The following LRRIQ3 variants were observed in gnomAD, a reference collection of about 807,000 sequenced individuals.
The protein encoded by LRRIQ3 is leucine-rich repeat and IQ domain-containing protein 3.
A neutral mutation model predicts 59.3 loss-of-function variants in LRRIQ3; 75 were observed. The observed-to-expected ratio is 1.26, with a 90% confidence interval of 1.05 to 1.53. LRRIQ3 has a LOEUF of 1.53. LRRIQ3 is among the 40% of genes most tolerant of loss of function. The pLI, the probability that LRRIQ3 is intolerant of heterozygous loss-of-function variation, is 0.00. For missense variants in LRRIQ3, 831 were observed against 710.0 expected (o/e 1.17, Z -1.94); for synonymous variants, 250 against 231.3 (o/e 1.08, Z -0.73).
At chr1:74,088,956 C>T (rs1296968614) in intron 5 of LRRIQ3, among the ~76,000 whole-genome samples, 1 of 151,850 alleles carries the variant, frequency 6.6e-6, no homozygotes, top group Non-Finnish European at 1.5e-5. Context: ...AAAGAATTCT[C>T]ACAACTCAAT....
intron 4 of LRRIQ3, among the ~76,000 whole-genome samples, chr1:74,139,094 G>GTA (rs57674909): frequency 0.83 from 122,049 of 147,542 alleles, 51,273 homozygotes; most frequent in East Asian, 0.96. Context: ...ATGTGTGTGT[G>GTA]TATATATATA....
In LRRIQ3 at chr1:74,179,274, C is replaced by T. The variant is rs183402104; in HGVS notation, c.573+3264G>A. ...TAGCAAAGAAGAACCCATGCTTCCT[C>T]GTTTTTTTCTGACTCAAAAAATAAA... is the stretch of plus-strand genomic sequence containing the variant. On this transcript the variant is annotated intron_variant, in intron 3 of 7. Transcript: ENST00000354431. Among the ~76,000 whole-genome samples the T allele has an allele frequency of 2.0e-4, 31 of 151,964 alleles. No individual in the cohort carries two copies. In the East Asian group the frequency reaches 5.4e-3, roughly 27 times the overall value.
intron 5 of LRRIQ3, among the ~76,000 whole-genome samples, chr1:74,085,154 T>A (rs1412528405): frequency 6.6e-6 from 1 of 151,810 alleles, no homozygotes; most frequent in Non-Finnish European, 1.5e-5. Context: ...AGTAGAATAA[T>A]GTTTTCACAA....
At chr1:74,040,891 G>A (rs1448562288) in intron 7 of LRRIQ3, among the ~76,000 whole-genome samples, 2 of 152,172 alleles carry the variant, frequency 1.3e-5, no homozygotes, top group South Asian at 2.1e-4. Context: ...GCTAGAGGCC[G>A]GACACGTTGG....
intron 5 of LRRIQ3, among the ~76,000 whole-genome samples, chr1:74,093,283 G>C (rs1358621128): frequency 1.3e-5 from 2 of 151,950 alleles, no homozygotes; most frequent in East Asian, 3.9e-4. Context: ...TGAATAAACA[G>C]GTAAGATGTT....
chr1:74,140,076 C>A (rs1238788406), intron 4 of LRRIQ3, among the ~76,000 whole-genome samples: 1 of 151,420 alleles, frequency 6.6e-6, no homozygotes, highest in Non-Finnish European at 1.5e-5. Context: ...ATTTAATACC[C>A]CAAACATCAG....
chr1:74,044,185 A>C (rs1570017309), intron 6 of LRRIQ3, among the ~76,000 whole-genome samples: 1 of 152,110 alleles, frequency 6.6e-6, no homozygotes, highest in East Asian at 1.9e-4. Context: ...CTACATTCCC[A>C]GCCCCTAGCC....
intron 4 of LRRIQ3, among the ~76,000 whole-genome samples, chr1:74,122,927 T>C (rs1461712192): frequency 6.6e-6 from 1 of 152,090 alleles, no homozygotes; most frequent in African/African-American, 2.4e-5. Flanking sequence ...TGCAATCTAC[T>C]CATCTGACAA....
intron 5 of LRRIQ3, chr1:74,083,997 G>C: frequency 2.1e-6 from 1 of 474,198 alleles, no homozygotes; most frequent in Non-Finnish European, 3.7e-6. Flanking sequence ...GTTTTAAAGT[G>C]TTAATAAATG....
At chr1:74,049,919 T>TC (rs1654317146) in intron 6 of LRRIQ3, among the ~76,000 whole-genome samples, 1 of 150,474 alleles carries the variant, frequency 6.6e-6, no homozygotes, top group Admixed American at 6.6e-5. Flanking sequence ...TTTGTGTCTT[T>TC]TTTTTCTTTT....
intron 3 of LRRIQ3, chr1:74,180,896 G>C (rs1649937725): frequency 9.6e-7 from 1 of 1,038,020 alleles, no homozygotes; most frequent in Non-Finnish European, 1.4e-6. Flanking sequence ...TTCAGTCTGT[G>C]TTAATGCCTT....
At chr1:74,131,371 C>T (rs1026764994) in intron 4 of LRRIQ3, among the ~76,000 whole-genome samples, 4 of 152,040 alleles carry the variant, frequency 2.6e-5, no homozygotes, top group Admixed American at 6.6e-5. Flanking sequence ...CCTAACTCAT[C>T]CTATGAGGCC....
intron 6 of LRRIQ3, among the ~76,000 whole-genome samples, chr1:74,064,539 T>C (rs1570054554): frequency 1.3e-5 from 2 of 152,062 alleles, no homozygotes; most frequent in South Asian, 2.1e-4. Flanking sequence ...TACTGTTTGA[T>C]GCCACTTGCT....
chr1:74,096,093 C>CA (rs996918332), intron 5 of LRRIQ3, among the ~76,000 whole-genome samples: 10 of 151,274 alleles, frequency 6.6e-5, no homozygotes, highest in African/African-American at 1.2e-4. Context: ...AACTATATTT[C>CA]AAAAAAAATA....
intron 4 of LRRIQ3, among the ~76,000 whole-genome samples, chr1:74,112,409 T>C (rs1164057107): frequency 6.6e-6 from 1 of 152,050 alleles, no homozygotes; most frequent in African/African-American, 2.4e-5. Flanking sequence ...GAAGATCAGG[T>C]TGAAGTTTTC....
intron 4 of LRRIQ3, among the ~76,000 whole-genome samples, chr1:74,132,201 C>T (rs186351989): frequency 5.8e-4 from 88 of 152,104 alleles, no homozygotes; most frequent in Middle Eastern, 6.8e-3. Flanking sequence ...GAACTACAAA[C>T]GACTGATCAA....
chr1:74,045,102 C>T (rs1654161574), intron 6 of LRRIQ3, among the ~76,000 whole-genome samples: 1 of 152,168 alleles, frequency 6.6e-6, no homozygotes, highest in African/African-American at 2.4e-5. Context: ...TCCTCCTTAA[C>T]TCATTTTATG....
At chr1:74,144,609 C>A (rs1447935608) in intron 4 of LRRIQ3, 16 of 233,400 alleles carry the variant, frequency 6.9e-5, no homozygotes, top group South Asian at 4.1e-4. Context: ...TCCATTGTAT[C>A]TTCTGTAGCA....
chr1:74,115,520 CA>C (rs1251488443), intron 4 of LRRIQ3, among the ~76,000 whole-genome samples: 1 of 151,930 alleles, frequency 6.6e-6, no homozygotes, highest in Non-Finnish European at 1.5e-5. Context: ...GAAAATAACT[CA>C]AGAGTTCAAA....
Sources: allele counts gnomAD v4.1 joint callset (sites outside exome capture counted in the v4.1 genomes callset), GRCh38; gene constraint gnomAD v4.1.1; transcripts MANE v1.5; gene names NCBI Gene and HGNC (gene_info 2026-07-23, HGNC 2026-07-21).